The following GRAMD2A variants were observed in gnomAD, a reference collection of about 807,000 sequenced individuals.
GRAMD2A encodes GRAM domain containing 2A.
Under a neutral mutation model 51.1 loss-of-function variants are expected in GRAMD2A, and 37 were observed. The ratio of observed to expected loss-of-function variants is 0.72; its 90% CI spans 0.56 to 0.95. GRAMD2A has a LOEUF of 0.95. GRAMD2A is among the 40% of genes least tolerant of loss of function. The pLI is 0.00. For missense variants in GRAMD2A, 414 were observed against 426.9 expected (o/e 0.97, Z 0.27); for synonymous variants, 136 against 157.1 (o/e 0.87, Z 1.01).
intron 1 of GRAMD2A, among the ~76,000 whole-genome samples, chr15:72,193,773 G>A (rs1261706555): frequency 6.6e-6 from 1 of 152,048 alleles, no homozygotes; most frequent in Non-Finnish European, 1.5e-5. Flanking sequence ...TGATCCGCCC[G>A]CCTCAGCCTC....
chr15:72,182,872 C>T lies in GRAMD2A; in HGVS notation c.42-12933G>A, dbSNP rs558629291. Among the ~76,000 whole-genome samples, 13 of 152,220 alleles carry T rather than the reference C, an allele frequency of 8.5e-5. No homozygotes were observed. The South Asian group carries it at 1.0e-3, about 12-fold the overall frequency. ...AAAAGTTCTGAAGATTGCACAACAA[C>T]GTGAATATACTTAACACTACTGAAC... On this transcript the variant is annotated intron_variant, in intron 1 of 11. Coordinates refer to ENST00000309731, the MANE Select transcript of GRAMD2A (RefSeq NM_001012642.3).
intron 1 of GRAMD2A, among the ~76,000 whole-genome samples, chr15:72,196,292 G>C (rs2081804608): frequency 6.6e-6 from 1 of 152,124 alleles, no homozygotes; most frequent in South Asian, 2.1e-4. Flanking sequence ...GAGGTGGGTG[G>C]ATCACCTGAG....
Position 72,163,766 on chromosome 15 carries a change from A to G in GRAMD2A, c.601-9T>C. On this transcript the variant is annotated splice_polypyrimidine_tract_variant and intron_variant, in intron 8 of 11. Transcript: ENST00000309731. ...TCAGGGATGAGGACTTCCTGCAGTA[A>G]GACAGGAGAAGCTATCTTACCATGG... 1.2e-6 allele frequency: 2 copies of G among 1,608,134 alleles called. No homozygotes were observed. Among genetic ancestry groups the G allele is most frequent in the Non-Finnish European group, 1.7e-6 (2 of 1,178,500 alleles).
intron 1 of GRAMD2A, among the ~76,000 whole-genome samples, chr15:72,193,872 C>T (rs978878787): frequency 6.6e-6 from 1 of 152,110 alleles, no homozygotes; most frequent in Non-Finnish European, 1.5e-5. Context: ...GAAGGAGGGG[C>T]GAGGAATCAC....
chr15:72,166,553 C>T lies in GRAMD2A; in HGVS notation c.543+79G>A. The stretch of plus-strand genomic sequence containing the variant: ...TTCCCTGTGCTGGAGAGATGGGCGA[C>T]CTCCCCCAACACCCTTGTGCAAGAC... On this transcript the variant is annotated intron_variant, in intron 7 of 11. Coordinates refer to ENST00000309731, the MANE Select transcript of GRAMD2A (RefSeq NM_001012642.3). This position sits in a 1 kb window ranked among gnomAD's most constrained non-coding sequence, Gnocchi z 4.1. The T allele has an allele frequency of 9.6e-7, 1 of 1,044,622 alleles. No individual in the cohort carries two copies. Among genetic ancestry groups the T allele is most frequent in the Non-Finnish European group, 1.5e-6 (1 of 666,602 alleles). The allele number at this position is 1,044,622 out of a possible 1,614,324, so 64.7% of individuals were successfully genotyped here.
intron 1 of GRAMD2A, among the ~76,000 whole-genome samples, chr15:72,183,521 A>AAACAACAACAAC (rs3028402): frequency 6.7e-6 from 1 of 149,504 alleles, no homozygotes; most frequent in Non-Finnish European, 1.5e-5. Flanking sequence ...TCTCCATTAA[A>AAACAACAACAAC]AACAACAACA....
rs1169402568 is a variant in GRAMD2A, at chr15:72,170,831, C to T, written c.42-892G>A. Among the ~76,000 whole-genome samples, 1 of 152,200 alleles carries T rather than the reference C, an allele frequency of 6.6e-6. No individual in the cohort carries two copies. The highest frequency in any genetic ancestry group is 1.5e-5 in the Non-Finnish European group (1 of 68,044). On this transcript the variant is annotated intron_variant, in intron 1 of 11. Transcript: ENST00000309731. The surrounding 1 kb of genome is among the most constrained non-coding windows in gnomAD (Gnocchi z 4.5). ...TGGTCAGGAACAGGTAACAAGGTCA[C>T]GTGCAGTGGTCCTGCTGCAGATTAG...
chr15:72,167,757 G>C lies in GRAMD2A; in HGVS notation c.351C>G (p.Ser117Arg). 6.2e-7 allele frequency: 1 copy of C among 1,613,470 alleles called. No homozygotes were observed. The highest frequency in any genetic ancestry group is 8.5e-7 in the Non-Finnish European group (1 of 1,179,398). Residue 117 changes from serine (S) to arginine (R), a missense_variant, in exon 5 of 12, where the codon AGC becomes AGG. Physicochemically the swap from Ser to Arg is moderately radical, Grantham distance 110. Transcript: ENST00000309731. ...CTACCTTGATATCCTTGCCAAAGAG[G>C]CTGGCATGGAAGCAGAGCCAGTTGG... ...ISPNWLCFHA[S>R]LFGKDIKVVI...
Position 72,166,861 on chromosome 15 carries a change from C to T in GRAMD2A, c.471+133G>A, listed in dbSNP as rs780522240. 5.4e-5 allele frequency: 50 copies of T among 923,338 alleles called. No homozygotes were observed. The highest frequency in any genetic ancestry group is 1.5e-4 in the East Asian group (6 of 39,844). 57.2% of individuals were successfully genotyped at this position (923,338 alleles called of 1,614,324 possible). ...GGAACTTCTCTTCCAGCTTGTTGTA[C>T]GGCCTGAAATACCTACTGGAGAGCT... On this transcript the variant is annotated intron_variant, in intron 6 of 11. Coordinates refer to ENST00000309731, the MANE Select transcript of GRAMD2A (RefSeq NM_001012642.3). This position sits in a 1 kb window ranked among gnomAD's most constrained non-coding sequence, Gnocchi z 4.1.
chr15:72,192,754 C>A (rs992269212), intron 1 of GRAMD2A, among the ~76,000 whole-genome samples: 2 of 152,142 alleles, frequency 1.3e-5, no homozygotes, highest in Admixed American at 6.6e-5. Flanking sequence ...ATAGAGCCAG[C>A]CAAAAACTGC....
chr15:72,188,399 C>T (rs766063387), intron 1 of GRAMD2A, among the ~76,000 whole-genome samples: 59 of 150,754 alleles, frequency 3.9e-4, no homozygotes, highest in Non-Finnish European at 7.1e-4. Flanking sequence ...AAAGGAAGTA[C>T]TATAAATGTC....
At chr15:72,190,355 G>A (rs1341982960) in intron 1 of GRAMD2A, among the ~76,000 whole-genome samples, 2 of 152,126 alleles carry the variant, frequency 1.3e-5, no homozygotes, top group Non-Finnish European at 2.9e-5. Context: ...CTCCAGCCTG[G>A]GCGACAGAGT....
At chr15:72,165,930 G>A (rs1476601954) in intron 7 of GRAMD2A, among the ~76,000 whole-genome samples, 1 of 151,938 alleles carries the variant, frequency 6.6e-6, no homozygotes, top group Non-Finnish European at 1.5e-5. Context: ...GGGCAATGGT[G>A]CAATCTCGGC....
chr15:72,182,382 A>C (rs1567089300), intron 1 of GRAMD2A, among the ~76,000 whole-genome samples: 3 of 151,588 alleles, frequency 2.0e-5, no homozygotes, highest in Admixed American at 2.0e-4. Context: ...AAAAAAAAAA[A>C]AAACCCAAAA....
At chr15:72,168,896 C>A (rs764166246) in intron 3 of GRAMD2A, 43 bp downstream of exon 3, 2 of 1,561,268 alleles carry the variant, frequency 1.3e-6, no homozygotes, top group Admixed American at 3.3e-5. Flanking sequence ...CAGCCCAGGA[C>A]CCCTTCCTGG....
chr15:72,170,436 G>A lies in GRAMD2A; in HGVS notation c.42-497C>T. The A allele has an allele frequency of 2.2e-6, 1 of 455,954 alleles. No individual in the cohort carries two copies. 28.2% of individuals were successfully genotyped at this position (455,954 alleles called of 1,614,324 possible). A position where few individuals can be genotyped will look rare whatever the true frequency, so the allele number is the denominator to read the frequency against. Reference sequence around the variant, plus strand: ...GAGCTGATGCGCTGAAGGTGTGGGAGGTGGACGCCCATCAGCCTACAGGTG... The same window carrying A: ...GAGCTGATGCGCTGAAGGTGTGGGAAGTGGACGCCCATCAGCCTACAGGTG... On this transcript the variant is annotated intron_variant, in intron 1 of 11. Coordinates refer to ENST00000309731, the MANE Select transcript of GRAMD2A (RefSeq NM_001012642.3). This position sits in a 1 kb window ranked among gnomAD's most constrained non-coding sequence, Gnocchi z 4.5.
chr15:72,185,195 T>A (rs4777491), intron 1 of GRAMD2A, among the ~76,000 whole-genome samples: 2 of 143,160 alleles, frequency 1.4e-5, no homozygotes, highest in Non-Finnish European at 3.1e-5. Flanking sequence ...TCCAGTTTTT[T>A]TTTTTTTTTT....
At chr15:72,167,187 C>A in intron 5 of GRAMD2A, 95 bp from the exon 6 acceptor site, 1 of 888,666 alleles carries the variant, frequency 1.1e-6, no homozygotes. Context: ...CCCAGCATGG[C>A]CACCATGGGG....
intron 2 of GRAMD2A, 98 bp from the exon 3 acceptor site, chr15:72,169,094 G>A: frequency 9.2e-7 from 1 of 1,082,342 alleles, no homozygotes; most frequent in South Asian, 1.3e-5. Flanking sequence ...AGAAGCTTGA[G>A]GCAGAGATCA....
Sources: allele counts gnomAD v4.1 joint callset (sites outside exome capture counted in the v4.1 genomes callset), GRCh38; gene constraint gnomAD v4.1.1; non-coding constraint Gnocchi (gnomAD v3.1); transcripts MANE v1.5; gene names NCBI Gene and HGNC (gene_info 2026-07-23, HGNC 2026-07-21).